Variants in HECW1 observed in about 807,000 individuals in gnomAD.
HECW1 encodes the protein HECT, C2 and WW domain containing E3 ubiquitin protein ligase 1.
A neutral mutation model predicts 182.3 loss-of-function variants in HECW1; 61 were observed. The ratio of observed to expected loss-of-function variants is 0.33; its 90% confidence interval spans 0.27 to 0.41. HECW1 has a LOEUF of 0.41. Ranked by LOEUF, HECW1 falls within the 10% of genes least tolerant of loss-of-function variation. HECW1 has a pLI of 1.00. For synonymous variants in HECW1, 859 were observed against 832.6 expected (o/e 1.03, Z -0.55); for missense variants, 1,739 against 2,108.9 (o/e 0.82, Z 3.44).
intron 3 of HECW1, among the ~76,000 whole-genome samples, chr7:43,301,159 A>G (rs1487504126): frequency 6.6e-6 from 1 of 151,354 alleles, no homozygotes; most frequent in Non-Finnish European, 1.5e-5. Flanking sequence ...GCCATGGGAG[A>G]CCCCTTTCAC....
intron 17 of HECW1, among the ~76,000 whole-genome samples, chr7:43,486,331 G>A (rs2078637151): frequency 6.6e-6 from 1 of 151,750 alleles, no homozygotes; most frequent in Non-Finnish European, 1.5e-5. Flanking sequence ...CTGTCTCCCA[G>A]GCTGGAGTGC....
intron 3 of HECW1, among the ~76,000 whole-genome samples, chr7:43,254,697 C>G (rs1032380428): frequency 3.3e-5 from 5 of 152,192 alleles, no homozygotes; most frequent in Non-Finnish European, 7.3e-5. Flanking sequence ...GTATGAGGAG[C>G]CAGGAATTTC....
At position 43,463,729 on chromosome 7, in the gene HECW1, G is replaced by A; in HGVS notation, c.2721G>A (p.Glu907=). 1 of 1,614,026 alleles carries A rather than the reference G, an allele frequency of 6.2e-7. No homozygotes were observed. The change falls in exon 14 of 30, where the codon GAG becomes GAA. Residue 907 remains glutamate (E), a synonymous_variant. Transcript: ENST00000395891. The part of the protein sequence containing the change: ...SEEDSGSQSC[E]QAPAGGGGGG... Reference sequence around the variant, plus strand: ...AAGATTCTGGCAGCCAAAGCTGCGAGCAAGCCCCAGCAGGAGGAGGCGGAG... The same window carrying A: ...AAGATTCTGGCAGCCAAAGCTGCGAACAAGCCCCAGCAGGAGGAGGCGGAG...
chr7:43,505,618 C>A (rs1585117978), intron 21 of HECW1, among the ~76,000 whole-genome samples: 1 of 152,324 alleles, frequency 6.6e-6, no homozygotes, highest in East Asian at 1.9e-4. Context: ...AACTGGAGTA[C>A]CGCTTTCCAT....
rs762613658 is a variant in HECW1 at position 43,311,792 on chromosome 7, G to A, written c.57G>A (p.Leu19=). 428 of 1,613,776 alleles carry A rather than the reference G, an allele frequency of 2.7e-4. 1 individual carries two copies. The highest frequency in any genetic ancestry group is 3.4e-4 in the Non-Finnish European group (400 of 1,179,868). Residue 19 remains leucine (L), a synonymous_variant, in exon 4 of 30, where the codon CTG becomes CTA. Transcript: ENST00000395891. ...KNLYQNRFLG[L]AAMASPSRNS... ...TGTACCAGAACAGGTTTTTAGGCCT[G>A]GCCGCCATGGCGTCTCCTTCTAGAA...
rs764274513 is a variant in HECW1 at position 43,541,185 on chromosome 7, C to T, written c.4042C>T (p.Leu1348=). ...LEWFRFSGRI[L]GLALIHQYLL... is the part of the protein sequence containing the mutation. ...CAGGTTCAGGTTTAGCGGTCGCATC[C>T]TGGGTCTGGCTCTGATCCATCAGTA... The change falls in exon 25 of 30, where the codon CTG becomes TTG. Residue 1348 remains leucine (L), a synonymous_variant. Transcript: ENST00000395891. 6.2e-7 allele frequency: 1 copy of T among 1,614,144 alleles called. No individual in the cohort carries two copies. The highest frequency in any genetic ancestry group is 8.5e-7 in the Non-Finnish European group (1 of 1,179,980).
At position 43,348,980 on chromosome 7, in the gene HECW1, T is replaced by A. The variant is rs111384032; in HGVS notation, c.461-11906T>A. On this transcript the variant is annotated intron_variant, in intron 5 of 29. Transcript: ENST00000395891. The stretch of plus-strand genomic sequence containing the variant: ...CATGCACTGTTGAATAGAATGTGTG[T>A]TCTGTGTTTGTTGAATGAAATGTTC... 2.4e-3 allele frequency among the ~76,000 whole-genome samples: 362 copies of A among 152,240 alleles called. 1 individual carries two copies. Among genetic ancestry groups the A allele is most frequent in the African/African-American group, 8.1e-3 (335 of 41,542 alleles).
At chr7:43,219,279 G>T (rs1796738240) in intron 2 of HECW1, among the ~76,000 whole-genome samples, 1 of 152,110 alleles carries the variant, frequency 6.6e-6, no homozygotes, top group African/African-American at 2.4e-5. Context: ...TTGCCAGCTA[G>T]GCTCTAAGAC....
At chr7:43,476,045 C>T (rs187432186) in intron 16 of HECW1, among the ~76,000 whole-genome samples, 65 of 152,172 alleles carry the variant, frequency 4.3e-4, no homozygotes, top group African/African-American at 1.4e-3. Flanking sequence ...TAGAAGTACT[C>T]ACCAATATTA....
Position 43,336,124 on chromosome 7 carries a change from T to TTCTCTCTCTCTCTCTCTCTC in HECW1, c.460+15401_460+15402insCTCTCTCTCTCTCTCTCTCT, listed in dbSNP as rs1233029672. 1.4e-4 allele frequency among the ~76,000 whole-genome samples: 9 copies of TTCTCTCTCTCTCTCTCTCTC among 64,248 alleles called. 1 individual carries two copies. Among genetic ancestry groups the TTCTCTCTCTCTCTCTCTCTC allele is most frequent in the African/African-American group, 6.6e-4 (9 of 13,740 alleles). The allele number at this position is 64,248 out of a possible 152,430, so 42.1% of individuals were successfully genotyped here. A position where few individuals can be genotyped will look rare whatever the true frequency, so the allele number is the denominator to read the frequency against. ...CTTTCTTCTTTCTTTCTTTCTTTCT[T>TTCTCTCTCTCTCTCTCTCTC]TCTCTCTCTCTCTCTCTCTTTCTCT... On this transcript the variant is annotated intron_variant, in intron 5 of 29. Coordinates refer to ENST00000395891, the MANE Select transcript of HECW1 (RefSeq NM_015052.5).
chr7:43,156,560 G>C (rs891737761), intron 2 of HECW1, among the ~76,000 whole-genome samples: 1 of 152,054 alleles, frequency 6.6e-6, no homozygotes, highest in Non-Finnish European at 1.5e-5. Flanking sequence ...GGCTTGATTC[G>C]TGTCAGAAAA....
intron 2 of HECW1, among the ~76,000 whole-genome samples, chr7:43,124,720 C>T (rs752123957): frequency 1.3e-4 from 20 of 152,198 alleles, no homozygotes; most frequent in Non-Finnish European, 2.6e-4. Context: ...GGAGCTTACC[C>T]TGGTTGTGCC....
intron 3 of HECW1, among the ~76,000 whole-genome samples, chr7:43,251,970 C>T (rs751801747): frequency 7.9e-5 from 12 of 152,258 alleles, no homozygotes; most frequent in South Asian, 2.1e-4. Context: ...GTACATTCCA[C>T]GGGGTCCTTG....
intron 24 of HECW1, among the ~76,000 whole-genome samples, chr7:43,520,331 G>C (rs907336672): frequency 1.3e-5 from 2 of 151,968 alleles, no homozygotes; most frequent in African/African-American, 4.8e-5. Context: ...CTACGAAATG[G>C]AGTCTGGACT....
chr7:43,347,473 T>C (rs1359470722), intron 5 of HECW1, among the ~76,000 whole-genome samples: 2 of 152,108 alleles, frequency 1.3e-5, no homozygotes, highest in Non-Finnish European at 2.9e-5. Context: ...CAGCAAACAG[T>C]GACAGTTTGA....
At chr7:43,293,882 C>A (rs866486290) in intron 3 of HECW1, among the ~76,000 whole-genome samples, 121 of 152,222 alleles carry the variant, frequency 7.9e-4, no homozygotes, top group African/African-American at 2.9e-3. Context: ...TGAGTGCCAC[C>A]TCCCATCAGA....
At chr7:43,482,159 G>A (rs1437313607) in intron 17 of HECW1, among the ~76,000 whole-genome samples, 1 of 152,050 alleles carries the variant, frequency 6.6e-6, no homozygotes, top group Non-Finnish European at 1.5e-5. Context: ...GACAGAAGAG[G>A]ACACCAAGAA....
At chr7:43,239,017 C>CAAT (rs1798634257) in intron 2 of HECW1, 1 of 152,252 alleles carries the variant, frequency 6.6e-6, no homozygotes, top group African/African-American at 2.4e-5. Flanking sequence ...GACTGAAAGA[C>CAAT]AATAGATTGG....
chr7:43,209,493 C>T (rs1562677751), intron 2 of HECW1, among the ~76,000 whole-genome samples: 1 of 152,156 alleles, frequency 6.6e-6, no homozygotes, highest in Non-Finnish European at 1.5e-5. Flanking sequence ...CCTGTCTCCT[C>T]TGTAAAGCAC....
Sources: allele counts gnomAD v4.1 joint callset (sites outside exome capture counted in the v4.1 genomes callset), GRCh38; gene constraint gnomAD v4.1.1; transcripts MANE v1.5; gene names NCBI Gene and HGNC (gene_info 2026-07-23, HGNC 2026-07-21).